The following SV2B variants were observed in gnomAD, a reference collection of about 807,000 sequenced individuals.
SV2B encodes solute carrier family 22 member B2.
A neutral mutation model predicts 73.9 loss-of-function variants in SV2B; 41 were observed. The ratio of observed to expected loss-of-function variants is 0.56; its 90% CI spans 0.43 to 0.72. SV2B has a LOEUF of 0.72. SV2B is among the 30% of genes least tolerant of loss of function. The pLI is 0.00. For synonymous variants in SV2B, 314 were observed against 314.2 expected, an observed-to-expected ratio of 1.00 and a Z score of 0.01; for missense variants, 764 against 857.8, an observed-to-expected ratio of 0.89 and a Z score of 1.37.
chr15:91,107,406 G>A lies in SV2B; in HGVS notation c.-392+7043G>A, dbSNP rs779220294. Among the ~76,000 whole-genome samples, 184 of 152,016 alleles carry A rather than the reference G, an allele frequency of 1.2e-3. 1 individual carries two copies. The highest frequency in any genetic ancestry group is 2.1e-3 in the Non-Finnish European group (146 of 67,998). ...TAGCTCACTGCAACCTCTGCCTCCCGGGTTCAAGCGATTCTCCTGCCTCAG... is the reference window on the plus strand; with the variant it reads ...TAGCTCACTGCAACCTCTGCCTCCCAGGTTCAAGCGATTCTCCTGCCTCAG... On this transcript the variant is annotated intron_variant, in intron 1 of 12. Coordinates refer to ENST00000394232, the MANE Select transcript of SV2B (RefSeq NM_001323032.3).
chr15:91,246,313 C>A (rs1373575840), intron 2 of SV2B, among the ~76,000 whole-genome samples: 1 of 152,030 alleles, frequency 6.6e-6, no homozygotes, highest in Non-Finnish European at 1.5e-5. Flanking sequence ...TTTTCTAATC[C>A]TGTGGCTTTC....
chr15:91,164,159 A>G lies in SV2B; in HGVS notation c.-391-61714A>G, dbSNP rs140246511. Among the ~76,000 whole-genome samples, 716 of 152,302 alleles carry G rather than the reference A, an allele frequency of 4.7e-3. 3 individuals carry two copies. Among genetic ancestry groups the G allele is most frequent in the Non-Finnish European group, 7.8e-3 (528 of 68,024 alleles). ...GGTACTAGTAGAATCAATATCGTGAAAATGGCCATACTGCCCAAGGTAATT... is the reference window on the plus strand; with the variant it reads ...GGTACTAGTAGAATCAATATCGTGAGAATGGCCATACTGCCCAAGGTAATT... On this transcript the variant is annotated intron_variant, in intron 1 of 12. Transcript: ENST00000394232.
At chr15:91,185,746 T>C (rs1388276077) in intron 1 of SV2B, among the ~76,000 whole-genome samples, 2 of 152,224 alleles carry the variant, frequency 1.3e-5, no homozygotes, top group Admixed American at 1.3e-4. Flanking sequence ...CTCTTTGAAC[T>C]CTTGCAGTAC....
chr15:91,107,601 G>A (rs769464825), intron 1 of SV2B, among the ~76,000 whole-genome samples: 14 of 151,142 alleles, frequency 9.3e-5, no homozygotes, highest in Non-Finnish European at 1.6e-4. Flanking sequence ...GTGAGCCACC[G>A]TGCCCGCTAA....
intron 1 of SV2B, among the ~76,000 whole-genome samples, chr15:91,131,154 T>TG (rs1465306900): frequency 6.7e-6 from 1 of 148,558 alleles, no homozygotes. Context: ...CTTGTTTTTT[T>TG]TTTTTTTTTT....
At chr15:91,233,608 A>T (rs191264311) in intron 2 of SV2B, among the ~76,000 whole-genome samples, 3 of 152,246 alleles carry the variant, frequency 2.0e-5, no homozygotes, top group African/African-American at 7.2e-5. Flanking sequence ...TAGCATGGGG[A>T]TGTGTGGGAA....
intron 1 of SV2B, among the ~76,000 whole-genome samples, chr15:91,148,417 A>G (rs8024051): frequency 0.029 from 4,374 of 152,218 alleles, 231 homozygotes; most frequent in African/African-American, 0.097. Context: ...TCCAGCCTCA[A>G]TGTGGGGAGA....
Position 91,214,956 on chromosome 15 carries a change from C to T in SV2B, c.-391-10917C>T, listed in dbSNP as rs569031661. Among the ~76,000 whole-genome samples the T allele has an allele frequency of 6.6e-6, 1 of 152,342 alleles. No individual in the cohort carries two copies. Among genetic ancestry groups the T allele is most frequent in the Admixed American group, 6.5e-5 (1 of 15,308 alleles). ...GTGATTCTTGATTCTGTTTACCAGT[C>T]GTACTGCAGGCTGGGACCATTGTTG... On this transcript the variant is annotated intron_variant, in intron 1 of 12. Coordinates refer to ENST00000394232, the MANE Select transcript of SV2B (RefSeq NM_001323032.3). This position sits in a 1 kb window ranked among gnomAD's most constrained non-coding sequence, Gnocchi z 4.7.
chr15:91,114,886 C>T (rs990266985), intron 1 of SV2B, among the ~76,000 whole-genome samples: 1 of 152,180 alleles, frequency 6.6e-6, no homozygotes, highest in Non-Finnish European at 1.5e-5. Flanking sequence ...AATCAATGGG[C>T]TATTTGGAAA....
Position 91,297,098 on chromosome 15 carries a change from C to A in SV2B, c.*4546C>A, listed in dbSNP as rs550248511. 1 of 152,944 alleles carries A rather than the reference C, an allele frequency of 6.5e-6. No individual in the cohort carries two copies. Among genetic ancestry groups the A allele is most frequent in the African/African-American group, 2.5e-5 (1 of 40,642 alleles). 9.5% of individuals were successfully genotyped at this position (152,944 alleles called of 1,614,324 possible). ...TGGGCGCACGCTCCTTCTGCCTGAT[C>A]GTTGGGAGCACGCTCCTTCTGCCTG... is the stretch of plus-strand genomic sequence containing the variant. On this transcript the variant is annotated 3_prime_UTR_variant, in exon 13 of 13. Transcript: ENST00000394232. The surrounding 1 kb of genome is among the most constrained non-coding windows in gnomAD (Gnocchi z 5.1).
intron 1 of SV2B, among the ~76,000 whole-genome samples, chr15:91,116,215 G>A (rs571535039): frequency 3.4e-4 from 51 of 152,152 alleles, no homozygotes; most frequent in Non-Finnish European, 5.9e-4. Flanking sequence ...AATCCATCTC[G>A]GTGTCAAACT....
At position 91,267,410 on chromosome 15, in the gene SV2B, G is replaced by A. The variant is rs2048142959; in HGVS notation, c.1120-145G>A. ...CTTTCCTTGTTATTTGGACAGTTTT[G>A]CTGCCTCTAGGAGACAGTGGGGTAC... On this transcript the variant is annotated intron_variant, in intron 7 of 12. Coordinates refer to ENST00000394232, the MANE Select transcript of SV2B (RefSeq NM_001323032.3). This position sits in a 1 kb window ranked among gnomAD's most constrained non-coding sequence, Gnocchi z 4.3. 6.2e-6 allele frequency: 4 copies of A among 645,616 alleles called. No individual in the cohort carries two copies. The South Asian group carries it at 8.2e-5, about 13-fold the overall frequency. 40.0% of individuals were successfully genotyped at this position (645,616 alleles called of 1,614,324 possible).
intron 1 of SV2B, among the ~76,000 whole-genome samples, chr15:91,119,898 T>G (rs898622672): frequency 6.6e-6 from 1 of 152,270 alleles, no homozygotes; most frequent in African/African-American, 2.4e-5. Flanking sequence ...TGTTTTTCCA[T>G]GCTGTATGTC....
At chr15:91,179,094 C>A (rs1186600951) in intron 1 of SV2B, among the ~76,000 whole-genome samples, 4 of 151,740 alleles carry the variant, frequency 2.6e-5, no homozygotes, top group African/African-American at 4.8e-5. Context: ...TATGTTGTGT[C>A]TTTGTTCTCG....
intron 9 of SV2B, among the ~76,000 whole-genome samples, chr15:91,269,621 C>T (rs2141695905): frequency 6.6e-6 from 1 of 152,300 alleles, no homozygotes; most frequent in Non-Finnish European, 1.5e-5. Flanking sequence ...GACTCCTGGC[C>T]ACTTTAGGAA....
intron 1 of SV2B, among the ~76,000 whole-genome samples, chr15:91,188,692 A>G (rs1056078519): frequency 3.3e-5 from 5 of 152,108 alleles, no homozygotes; most frequent in Admixed American, 6.5e-5. Context: ...TTTGAAAAAG[A>G]TTAATCTGAA....
chr15:91,109,565 T>G (rs1424379250), intron 1 of SV2B, among the ~76,000 whole-genome samples: 2 of 152,008 alleles, frequency 1.3e-5, no homozygotes, highest in Non-Finnish European at 2.9e-5. Context: ...TACCCCTGAG[T>G]GAGCGTGATT....
chr15:91,114,988 TG>T (rs1314515844), intron 1 of SV2B, among the ~76,000 whole-genome samples: 1 of 152,126 alleles, frequency 6.6e-6, no homozygotes, highest in Non-Finnish European at 1.5e-5. Context: ...CTAGCCCAAC[TG>T]GGGTCACATG....
chr15:91,108,817 A>G (rs1335187986), intron 1 of SV2B, among the ~76,000 whole-genome samples: 1 of 152,204 alleles, frequency 6.6e-6, no homozygotes. Flanking sequence ...GATTACAGGT[A>G]ACGCAACAGT....
Sources: gnomAD v4.1 joint callset for allele counts (sites outside exome capture counted in the v4.1 genomes callset) on GRCh38, gnomAD v4.1.1 for gene constraint, Gnocchi (gnomAD v3.1) non-coding constraint, MANE v1.5 for transcripts, NCBI Gene and HGNC (gene_info 2026-07-23, HGNC 2026-07-21) for gene names.